The following PIK3C2A variants were observed in gnomAD, a reference collection of about 807,000 sequenced individuals.
PIK3C2A encodes phosphatidylinositol 4-phosphate 3-kinase C2 domain-containing subunit alpha.
PIK3C2A carries 97 observed loss-of-function variants against 204.5 expected under a neutral mutation model. The observed-to-expected ratio is 0.47, with a 90% CI of 0.40 to 0.56. The LOEUF (loss-of-function observed/expected upper bound fraction) is 0.56. Among genes scored for constraint, PIK3C2A ranks in the 20% least tolerant of loss-of-function variants. The pLI, the probability that PIK3C2A is intolerant of heterozygous loss-of-function variation, is 0.00. For missense variants in PIK3C2A, 1,735 were observed against 1,969.2 expected, an observed-to-expected ratio of 0.88 and a Z score of 2.25; for synonymous variants, 653 against 664.4, an observed-to-expected ratio of 0.98 and a Z score of 0.26.
At chr11:17,173,227 G>C (rs568167443) in intron 1 of PIK3C2A, among the ~76,000 whole-genome samples, 1 of 152,140 alleles carries the variant, frequency 6.6e-6, no homozygotes, top group Admixed American at 6.5e-5. Context: ...CCATTTTGGA[G>C]ACTGATCTCC....
At chr11:17,176,155 C>T (rs1006320136) in intron 1 of PIK3C2A, among the ~76,000 whole-genome samples, 3 of 151,394 alleles carry the variant, frequency 2.0e-5, no homozygotes, top group African/African-American at 7.3e-5. Context: ...AGGTGCCCAC[C>T]ACCATGCCCG....
chr11:17,092,573 G>A (rs1848340640), intron 28 of PIK3C2A, among the ~76,000 whole-genome samples: 1 of 152,172 alleles, frequency 6.6e-6, no homozygotes, highest in African/African-American at 2.4e-5. Flanking sequence ...TCGGAAGGCT[G>A]AGGCAGAAAA....
chr11:17,207,562 C>T (rs1000203502), intron 1 of PIK3C2A, among the ~76,000 whole-genome samples: 4 of 152,192 alleles, frequency 2.6e-5, no homozygotes, highest in Non-Finnish European at 5.9e-5. Context: ...AAAACTAACT[C>T]CCTGGCGCAC....
intron 6 of PIK3C2A, among the ~76,000 whole-genome samples, chr11:17,146,887 C>T (rs953629202): frequency 2.6e-5 from 4 of 152,094 alleles, no homozygotes; most frequent in Non-Finnish European, 4.4e-5. Flanking sequence ...AGAAAGCAGA[C>T]ATCACTGATA....
chr11:17,169,639 C>A lies in PIK3C2A; in HGVS notation c.103G>T (p.Glu35Ter). 1 of 1,613,736 alleles carries A rather than the reference C, an allele frequency of 6.2e-7. No homozygotes were observed. The highest frequency in any genetic ancestry group is 8.5e-7 in the Non-Finnish European group (1 of 1,179,970). Residue 35 changes from glutamate to a stop codon, truncating the protein, a stop_gained, in exon 2 of 33, where the codon GAA becomes TAA. Coordinates refer to ENST00000691414, the MANE Select transcript of PIK3C2A (RefSeq NM_002645.4). LOFTEE classifies it high-confidence loss of function. ...TGCAGTTTTGCTAAAGCCTCTGCTT[C>A]CATCTGTAATGCTTCTTCTTTGTCC... is the stretch of plus-strand genomic sequence containing the variant. ...DVDKEEALQM[E>*]AEALAKLQKD...
rs925900517 is a variant in PIK3C2A at position 17,087,670 on chromosome 11, A to G, written c.*2068T>C. ...GTTTTTAAATTACAGTGGCTAAGTG[A>G]TAACTGGTGGAATGGAATTCGGTCT... On this transcript the variant is annotated 3_prime_UTR_variant, in exon 33 of 33. Coordinates refer to ENST00000691414, the MANE Select transcript of PIK3C2A (RefSeq NM_002645.4). 5.3e-5 allele frequency: 8 copies of G among 152,220 alleles called. No homozygotes were observed. Among genetic ancestry groups the G allele is most frequent in the African/African-American group, 1.9e-4 (8 of 41,460 alleles). The allele number at this position is 152,220 out of a possible 1,614,324, so 9.4% of individuals were successfully genotyped here.
At chr11:17,178,714 T>A (rs1490991901) in intron 1 of PIK3C2A, among the ~76,000 whole-genome samples, 7 of 24,360 alleles carry the variant, frequency 2.9e-4, no homozygotes, top group African/African-American at 1.3e-3. Context: ...GATTTTTGAA[T>A]TTTTTTTTTT....
At chr11:17,170,858 C>CT (rs993614197) in intron 1 of PIK3C2A, among the ~76,000 whole-genome samples, 1 of 152,116 alleles carries the variant, frequency 6.6e-6, no homozygotes, top group Admixed American at 6.6e-5. Flanking sequence ...AATCTCAGCA[C>CT]TTTGGGAGGC....
chr11:17,113,485 G>C (rs1849065630), intron 20 of PIK3C2A, among the ~76,000 whole-genome samples: 1 of 152,006 alleles, frequency 6.6e-6, no homozygotes, highest in African/African-American at 2.4e-5. Context: ...TATTAGCAAT[G>C]ATCAAATCTT....
rs896127670 is a variant in PIK3C2A at position 17,133,693 on chromosome 11, C to A, written c.2108+1126G>T. Among the ~76,000 whole-genome samples, 3 of 151,946 alleles carry A rather than the reference C, an allele frequency of 2.0e-5. No homozygotes were observed. In the South Asian group the frequency reaches 6.2e-4, roughly 31 times the overall value. Reference sequence around the variant, plus strand: ...CTGTAATCCCAGAACTTTGGGAGACCGAGGTGGGCAGATCACTTGAGGTCA... The same window carrying A: ...CTGTAATCCCAGAACTTTGGGAGACAGAGGTGGGCAGATCACTTGAGGTCA... On this transcript the variant is annotated intron_variant, in intron 11 of 32. Coordinates refer to ENST00000691414, the MANE Select transcript of PIK3C2A (RefSeq NM_002645.4).
At chr11:17,165,047 A>G (rs923932110) in intron 2 of PIK3C2A, among the ~76,000 whole-genome samples, 1 of 152,124 alleles carries the variant, frequency 6.6e-6, no homozygotes, top group African/African-American at 2.4e-5. Context: ...AGGAGTGACC[A>G]ATCTAAACTA....
intron 19 of PIK3C2A, among the ~76,000 whole-genome samples, chr11:17,116,592 T>C (rs1590925664): frequency 6.6e-6 from 1 of 151,722 alleles, no homozygotes; most frequent in Non-Finnish European, 1.5e-5. Flanking sequence ...CATAGCAGTA[T>C]TCTTTTTTTT....
chr11:17,176,798 C>T (rs957599846), intron 1 of PIK3C2A, among the ~76,000 whole-genome samples: 1 of 151,990 alleles, frequency 6.6e-6, no homozygotes, highest in Non-Finnish European at 1.5e-5. Context: ...AAAAATAAAA[C>T]AAAAACCAAA....
chr11:17,174,266 C>A (rs978715704), intron 1 of PIK3C2A, among the ~76,000 whole-genome samples: 9 of 151,468 alleles, frequency 5.9e-5, no homozygotes, highest in Admixed American at 1.3e-4. Flanking sequence ...AAGTATACTG[C>A]CTATTTTTCA....
At chr11:17,186,231 T>C (rs1186560512) in intron 1 of PIK3C2A, among the ~76,000 whole-genome samples, 3 of 152,178 alleles carry the variant, frequency 2.0e-5, no homozygotes, top group Admixed American at 6.6e-5. Context: ...TCCTCCCTGA[T>C]AACCAAGTTA....
chr11:17,146,050 T>C, intron 6 of PIK3C2A, 108 bp from the exon 7 acceptor site: 1 of 693,938 alleles, frequency 1.4e-6, no homozygotes, highest in South Asian at 2.2e-5. Flanking sequence ...AAAGTGTTTT[T>C]CTGAGAACTG....
intron 19 of PIK3C2A, among the ~76,000 whole-genome samples, chr11:17,116,297 A>G (rs528291189): frequency 2.6e-5 from 4 of 152,310 alleles, no homozygotes; most frequent in South Asian, 2.1e-4. Context: ...AATGTGCTCA[A>G]TATCATTAGT....
At chr11:17,092,759 G>GA (rs1311020632) in intron 28 of PIK3C2A, among the ~76,000 whole-genome samples, 1 of 152,210 alleles carries the variant, frequency 6.6e-6, no homozygotes, top group African/African-American at 2.4e-5. Context: ...AGCCTTGGTT[G>GA]AAAAGGTGTA....
chr11:17,155,739 A>G, intron 2 of PIK3C2A, 110 bp from the exon 3 acceptor site: 1 of 556,448 alleles, frequency 1.8e-6, no homozygotes, highest in East Asian at 2.9e-5. Flanking sequence ...CAATGGAGGT[A>G]AAATAAATCA....
Sources: gnomAD v4.1 joint callset for allele counts (sites outside exome capture counted in the v4.1 genomes callset) on GRCh38, gnomAD v4.1.1 for gene constraint, MANE v1.5 for transcripts, NCBI Gene and HGNC (gene_info 2026-07-23, HGNC 2026-07-21) for gene names.